Variants in ADGRL3 observed in about 807,000 individuals in gnomAD.
ADGRL3 encodes the protein adhesion G protein-coupled receptor L3.
A neutral mutation model predicts 153.5 loss-of-function variants in ADGRL3; 62 were observed. That is an observed-to-expected ratio of 0.40 (90% CI 0.33 to 0.50). ADGRL3 has a LOEUF of 0.50. Among genes scored for constraint, ADGRL3 ranks in the 20% least tolerant of loss-of-function variants. ADGRL3 has a pLI of 0.47. For missense variants in ADGRL3, 1,641 were observed against 1,859.4 expected (o/e 0.88, Z 2.16); for synonymous variants, 710 against 672.5 (o/e 1.06, Z -0.86).
chr4:61,771,307 C>T (rs967144313), intron 8 of ADGRL3, among the ~76,000 whole-genome samples: 1 of 152,146 alleles, frequency 6.6e-6, no homozygotes, highest in Non-Finnish European at 1.5e-5. Flanking sequence ...CTCCAGGGAC[C>T]CTTCCCTTAC....
At chr4:61,741,086 A>G (rs2096575575) in intron 8 of ADGRL3, among the ~76,000 whole-genome samples, 1 of 152,182 alleles carries the variant, frequency 6.6e-6, no homozygotes, top group African/African-American at 2.4e-5. Flanking sequence ...CACATCATAT[A>G]TCTGAGCCCT....
chr4:61,935,884 G>A lies in ADGRL3; in HGVS notation c.2297-39G>A. 3 of 1,550,640 alleles carry A rather than the reference G, an allele frequency of 1.9e-6. 1 individual carries two copies. ...TAGGAAATTATTGTAGCTTAGGTAT[G>A]TTTCTCAATGAGCACTGATATCTCT... On this transcript the variant is annotated intron_variant, in intron 14 of 26. Transcript: ENST00000683033.
intron 4 of ADGRL3, among the ~76,000 whole-genome samples, chr4:61,555,779 G>A (rs1579507468): frequency 6.6e-6 from 1 of 152,172 alleles, no homozygotes; most frequent in East Asian, 1.9e-4. Context: ...TGCTAAACAA[G>A]GGGTGGATTA....
intron 8 of ADGRL3, among the ~76,000 whole-genome samples, chr4:61,807,553 C>G (rs1580924600): frequency 6.6e-6 from 1 of 152,220 alleles, no homozygotes; most frequent in East Asian, 1.9e-4. Flanking sequence ...AAGCATTTCT[C>G]ACGCCAATGT....
At chr4:61,314,690 C>G (rs186739263) in intron 1 of ADGRL3, among the ~76,000 whole-genome samples, 9 of 152,274 alleles carry the variant, frequency 5.9e-5, no homozygotes, top group African/African-American at 2.2e-4. Flanking sequence ...AGGTTTATTG[C>G]CCTTCTGGAG....
chr4:61,684,860 C>G (rs2095413486), intron 6 of ADGRL3, among the ~76,000 whole-genome samples: 1 of 151,748 alleles, frequency 6.6e-6, no homozygotes, highest in African/African-American at 2.4e-5. Flanking sequence ...TTTAAATTTG[C>G]AACTGTTGCT....
intron 1 of ADGRL3, among the ~76,000 whole-genome samples, chr4:61,223,775 C>T (rs559074865): frequency 1.2e-3 from 185 of 152,222 alleles, no homozygotes; most frequent in Middle Eastern, 3.4e-3. Flanking sequence ...ACAATAGAAA[C>T]GACAATATAG....
At chr4:61,346,499 C>A (rs1009775941) in intron 1 of ADGRL3, among the ~76,000 whole-genome samples, 16 of 151,730 alleles carry the variant, frequency 1.1e-4, no homozygotes, top group African/African-American at 3.9e-4. Flanking sequence ...TGGGGTGGCT[C>A]ATGCCTGTAA....
At chr4:61,297,293 T>C (rs980225288) in intron 1 of ADGRL3, among the ~76,000 whole-genome samples, 1 of 152,004 alleles carries the variant, frequency 6.6e-6, no homozygotes, top group Admixed American at 6.6e-5. Context: ...TTTTTGGGGG[T>C]GTCTGTGTGT....
chr4:61,733,500 A>T lies in ADGRL3; in HGVS notation c.1345A>T (p.Asn449Tyr). 1.2e-6 allele frequency: 2 copies of T among 1,613,692 alleles called. No individual in the cohort carries two copies. Among genetic ancestry groups the T allele is most frequent in the Non-Finnish European group, 1.7e-6 (2 of 1,179,776 alleles). ...GGACAACCTACTTTATGTATGGAAT[A>T]ACTATCACGTCGTGAAATATTCTTT... The part of the protein sequence containing the change: ...PRDNLLYVWN[N>Y]YHVVKYSLDF... Residue 449 changes from asparagine (N) to tyrosine (Y), a missense_variant, in exon 8 of 27, where the codon AAC (asparagine) becomes TAC (tyrosine). Physicochemically the swap from Asn to Tyr is moderately radical, Grantham distance 143. Around this residue, in one of 5 missense-constraint regions of ADGRL3, gnomAD observed 734 missense variants for 797.0 expected, o/e 0.92. Coordinates refer to ENST00000683033, the MANE Select transcript of ADGRL3 (RefSeq NM_001387552.1).
intron 2 of ADGRL3, among the ~76,000 whole-genome samples, chr4:61,425,691 C>T (rs2097269305): frequency 1.3e-5 from 2 of 152,188 alleles, no homozygotes; most frequent in Admixed American, 6.5e-5. Flanking sequence ...TCATATTAGG[C>T]CACACAGATG....
In ADGRL3 at chr4:62,076,106, A is replaced by G. The variant is rs896558235; in HGVS notation, c.*5198A>G. ...AACTTTGTGATTTCTGCAATAAAAC[A>G]GGTAGTTAATATAGTTTCGCATAAT... On this transcript the variant is annotated 3_prime_UTR_variant, in exon 27 of 27. Coordinates refer to ENST00000683033, the MANE Select transcript of ADGRL3 (RefSeq NM_001387552.1). 1.3e-5 allele frequency: 2 copies of G among 152,140 alleles called. No individual in the cohort carries two copies. The highest frequency in any genetic ancestry group is 2.1e-4 in the South Asian group (1 of 4,838). The allele number at this position is 152,140 out of a possible 1,614,324, so 9.4% of individuals were successfully genotyped here. A position where few individuals can be genotyped will look rare whatever the true frequency, so the allele number is the denominator to read the frequency against.
intron 1 of ADGRL3, among the ~76,000 whole-genome samples, chr4:61,220,315 A>G (rs1744897614): frequency 6.6e-6 from 1 of 152,134 alleles, no homozygotes. Flanking sequence ...GACAAGCTCT[A>G]ATAACTTGTT....
intron 1 of ADGRL3, among the ~76,000 whole-genome samples, chr4:61,214,620 A>G (rs1338324691): frequency 1.3e-5 from 2 of 152,164 alleles, no homozygotes; most frequent in African/African-American, 4.8e-5. Context: ...AACCTCAGTT[A>G]GAGATCTGTC....
At chr4:61,720,305 G>C (rs2096217324) in intron 6 of ADGRL3, among the ~76,000 whole-genome samples, 1 of 150,604 alleles carries the variant, frequency 6.6e-6, no homozygotes, top group Admixed American at 6.6e-5. Context: ...GGCCAGGCTG[G>C]TGTCCAACTC....
chr4:62,064,508 T>G (rs1199875980), intron 25 of ADGRL3, among the ~76,000 whole-genome samples: 3 of 152,062 alleles, frequency 2.0e-5, no homozygotes, highest in African/African-American at 7.2e-5. Flanking sequence ...TTTATAAAAG[T>G]CCTAGTCAGT....
rs2097401596 is a variant in ADGRL3 at position 61,795,670 on chromosome 4, T to A, written c.1400-18139T>A. 3.9e-5 allele frequency among the ~76,000 whole-genome samples: 6 copies of A among 152,288 alleles called. No homozygotes were observed. The South Asian group carries it at 1.2e-3, about 32-fold the overall frequency. ...TACTTTTCAGCTGTTCATGGGGGCT[T>A]TCACTATTGCATAGACGTGTGTGTA... is the stretch of plus-strand genomic sequence containing the variant. On this transcript the variant is annotated intron_variant, in intron 8 of 26. Transcript: ENST00000683033.
intron 1 of ADGRL3, among the ~76,000 whole-genome samples, chr4:61,260,979 G>C (rs1285534276): frequency 6.6e-6 from 1 of 151,988 alleles, no homozygotes; most frequent in Non-Finnish European, 1.5e-5. Flanking sequence ...TCCCCTCTTG[G>C]CATCCCAAAA....
intron 21 of ADGRL3, among the ~76,000 whole-genome samples, chr4:62,019,006 A>C (rs137858976): frequency 6.6e-6 from 1 of 152,300 alleles, no homozygotes; most frequent in East Asian, 1.9e-4. Flanking sequence ...GACTCTTATC[A>C]GTGGAGCAGG....
Sources: gnomAD v4.1 joint callset for allele counts (sites outside exome capture counted in the v4.1 genomes callset) on GRCh38, gnomAD v4.1.1 for gene constraint, gnomAD v4.1.1 regional missense constraint, MANE v1.5 for transcripts, NCBI Gene and HGNC (gene_info 2026-07-23, HGNC 2026-07-21) for gene names.